The following SAMD7 variants were observed in gnomAD, a reference collection of about 807,000 sequenced individuals.
SAMD7 encodes the protein sterile alpha motif domain containing 7, also known as sterile alpha motif domain-containing protein 7.
A neutral mutation model predicts 36.7 loss-of-function variants in SAMD7; 34 were observed. That is an observed-to-expected ratio of 0.93 (90% CI 0.71 to 1.23). The LOEUF is 1.23. Ranked by LOEUF, SAMD7 falls within the 50% of genes most tolerant of loss-of-function variation. SAMD7 has a pLI of 0.00. For missense variants in SAMD7, 570 were observed against 546.6 expected (o/e 1.04, Z -0.43); for synonymous variants, 188 against 189.7 (o/e 0.99, Z 0.07).
Position 169,924,977 on chromosome 3 carries a change from A to G in SAMD7, c.212-81A>G, listed in dbSNP as rs947309081. 7 of 881,898 alleles carry G rather than the reference A, an allele frequency of 7.9e-6. No homozygotes were observed. The African/African-American group carries it at 1.2e-4, about 15-fold the overall frequency. The allele number at this position is 881,898 out of a possible 1,614,324, so 54.6% of individuals were successfully genotyped here. A position where few individuals can be genotyped will look rare whatever the true frequency, so the allele number is the denominator to read the frequency against. On this transcript the variant is annotated intron_variant, in intron 4 of 8. Transcript: ENST00000335556. ...TTTTTTTTTTCAGATACTGTTTTAC[A>G]TTGTTATAGTTTATTTTATTATTTT... is the stretch of plus-strand genomic sequence containing the variant.
chr3:169,927,739 A>G (rs1487721430), intron 6 of SAMD7, among the ~76,000 whole-genome samples: 6 of 152,178 alleles, frequency 3.9e-5, no homozygotes, highest in Non-Finnish European at 8.8e-5. Context: ...CTGGGAAGGT[A>G]AATATCTTGG....
Position 169,926,815 on chromosome 3 carries a change from A to C in SAMD7, c.553A>C (p.Arg185=). ...CTGGGGGCAGAGATGTCGTCGACTC[A>C]GGAAAAATACAGGGAATCAAAAAGC... ...ESWGQRCRRL[R]KNTGNQKALD... The change falls in exon 6 of 9, where the codon AGG becomes CGG. Residue 185 remains arginine, a synonymous_variant. Coordinates refer to ENST00000335556, the MANE Select transcript of SAMD7 (RefSeq NM_001304366.2). 2 of 1,613,970 alleles carry C rather than the reference A, an allele frequency of 1.2e-6. No homozygotes were observed. The highest frequency in any genetic ancestry group is 1.7e-6 in the Non-Finnish European group (2 of 1,180,000).
Position 169,938,436 on chromosome 3 carries a change from C to A in SAMD7, c.1271C>A (p.Thr424Lys), listed in dbSNP as rs999174866. 1 of 1,612,590 alleles carries A rather than the reference C, an allele frequency of 6.2e-7. No individual in the cohort carries two copies. Among genetic ancestry groups the A allele is most frequent in the Non-Finnish European group, 8.5e-7 (1 of 1,178,618 alleles). Reference protein sequence around the residue: ...PLLDPNSWSDTMNIFCPQDTI... With the variant: ...PLLDPNSWSDKMNIFCPQDTI... The stretch of plus-strand genomic sequence containing the variant: ...CTGGATCCTAATTCCTGGAGTGATA[C>A]AATGAACATTTTTTGTCCCCAGGAT... Residue 424 changes from threonine (T) to lysine (K), a missense_variant, in exon 9 of 9, where the codon ACA (threonine) becomes AAA (lysine). Thr to Lys is a moderately conservative substitution (Grantham distance 78). Coordinates refer to ENST00000335556, the MANE Select transcript of SAMD7 (RefSeq NM_001304366.2).
intron 7 of SAMD7, chr3:169,932,968 A>C: frequency 1.4e-6 from 1 of 700,390 alleles, no homozygotes; most frequent in East Asian, 2.8e-5. Flanking sequence ...TGCTGGATGA[A>C]AGAAGCATTC....
intron 8 of SAMD7, among the ~76,000 whole-genome samples, 200 bp downstream of exon 8, chr3:169,936,649 G>A (rs1651995435): frequency 6.6e-6 from 1 of 152,018 alleles, no homozygotes. Context: ...ATATAACTGG[G>A]AAGATGATAA....
At chr3:169,925,836 A>G (rs1713235434) in intron 5 of SAMD7, among the ~76,000 whole-genome samples, 1 of 152,218 alleles carries the variant, frequency 6.6e-6, no homozygotes, top group African/African-American at 2.4e-5. Flanking sequence ...TCTGAAATTC[A>G]TATTGGCATT....
intron 6 of SAMD7, among the ~76,000 whole-genome samples, 166 bp from the exon 7 acceptor site, chr3:169,928,291 A>G (rs1713355033): frequency 6.6e-6 from 1 of 152,272 alleles, no homozygotes; most frequent in Non-Finnish European, 1.5e-5. Context: ...GAAAGAAAAG[A>G]AAGGAGGCAG....
chr3:169,937,348 C>T (rs1713755319), intron 8 of SAMD7, among the ~76,000 whole-genome samples: 1 of 151,992 alleles, frequency 6.6e-6, no homozygotes, highest in Admixed American at 6.6e-5. Context: ...ACCTATCAAC[C>T]CATCACCTAG....
chr3:169,921,435 C>A, intron 4 of SAMD7, 97 bp downstream of exon 4: 2 of 1,268,970 alleles, frequency 1.6e-6, no homozygotes, highest in African/African-American at 1.5e-5. Flanking sequence ...ATTTTGGAGG[C>A]AGATCTGTGT....
In SAMD7 at chr3:169,921,103, A is replaced by G; in HGVS notation, c.87-111A>G. On this transcript the variant is annotated intron_variant, in intron 3 of 8. Transcript: ENST00000335556. Reference sequence around the variant, plus strand: ...AGGACTTTTGTATTTCATCTTGAGAAGAGATGATAGAATCCCATATGGCAA... The same window carrying G: ...AGGACTTTTGTATTTCATCTTGAGAGGAGATGATAGAATCCCATATGGCAA... The G allele has an allele frequency of 5.4e-6, 5 of 930,312 alleles. No homozygotes were observed. The South Asian group carries it at 7.8e-5, about 15-fold the overall frequency. The allele number at this position is 930,312 out of a possible 1,614,324, so 57.6% of individuals were successfully genotyped here.
intron 1 of SAMD7, among the ~76,000 whole-genome samples, chr3:169,914,567 T>C (rs1339895562): frequency 6.6e-6 from 1 of 152,170 alleles, no homozygotes; most frequent in Non-Finnish European, 1.5e-5. Flanking sequence ...GATTAAAATT[T>C]GGTGGACTGA....
rs886547624 is a variant in SAMD7, at chr3:169,932,449, T to C, written c.1041+3871T>C. 34 of 606,550 alleles carry C rather than the reference T, an allele frequency of 5.6e-5. No homozygotes were observed. The African/African-American group carries it at 6.1e-4, about 11-fold the overall frequency. 37.6% of individuals were successfully genotyped at this position (606,550 alleles called of 1,614,324 possible). ...GGTTATGATAGACACAATGCGGAGG[T>C]AGCAGCCTTTCACTTGGACAGGATT... On this transcript the variant is annotated intron_variant, in intron 7 of 8. Transcript: ENST00000335556.
chr3:169,916,491 C>CA (rs1191853549), intron 2 of SAMD7, among the ~76,000 whole-genome samples: 4 of 152,022 alleles, frequency 2.6e-5, no homozygotes, highest in African/African-American at 7.2e-5. Flanking sequence ...ACTAAAAATA[C>CA]AAAAAAATTA....
intron 3 of SAMD7, among the ~76,000 whole-genome samples, chr3:169,919,835 CA>C (rs1318577997): frequency 6.6e-6 from 1 of 152,166 alleles, no homozygotes; most frequent in African/African-American, 2.4e-5. Context: ...AGGCATTGTG[CA>C]GGTGCAAACA....
chr3:169,913,430 T>C (rs1276931227), intron 1 of SAMD7, among the ~76,000 whole-genome samples: 1 of 152,214 alleles, frequency 6.6e-6, no homozygotes, highest in African/African-American at 2.4e-5. Flanking sequence ...CTTTAGTTCA[T>C]GAAGTTCATG....
chr3:169,916,286 C>CTGT (rs1477349131), intron 2 of SAMD7, among the ~76,000 whole-genome samples: 4 of 152,134 alleles, frequency 2.6e-5, no homozygotes, highest in African/African-American at 9.7e-5. Flanking sequence ...AAGTGGAGAA[C>CTGT]TGTTGTCCAA....
At chr3:169,931,298 G>T (rs893454303) in intron 7 of SAMD7, among the ~76,000 whole-genome samples, 1 of 152,200 alleles carries the variant, frequency 6.6e-6, no homozygotes, top group African/African-American at 2.4e-5. Context: ...GAGAAAGAAG[G>T]GGGTACATCT....
chr3:169,912,728 TGCTTTCCAGG>T (rs1025973115), intron 1 of SAMD7, among the ~76,000 whole-genome samples: 5 of 152,236 alleles, frequency 3.3e-5, no homozygotes, highest in African/African-American at 1.2e-4. Context: ...CTGTCTTCAA[TGCTTTCCAGG>T]GTATGTGCTA....
At chr3:169,920,213 A>T (rs1237213554) in intron 3 of SAMD7, among the ~76,000 whole-genome samples, 1 of 152,158 alleles carries the variant, frequency 6.6e-6, no homozygotes, top group Non-Finnish European at 1.5e-5. Context: ...ATAAAATACT[A>T]AATACTGGAT....
Sources: gnomAD v4.1 joint callset for allele counts (sites outside exome capture counted in the v4.1 genomes callset) on GRCh38, gnomAD v4.1.1 for gene constraint, MANE v1.5 for transcripts, NCBI Gene and HGNC (gene_info 2026-07-23, HGNC 2026-07-21) for gene names.